LRRC37A2: variants seen among roughly 807,000 people sequenced by gnomAD.
The protein encoded by LRRC37A2 is leucine-rich repeat-containing protein 37A2.
LRRC37A2 carries 9 observed loss-of-function variants against 68.8 expected under a neutral mutation model. That is an observed-to-expected ratio of 0.13 (90% CI 0.08 to 0.23). The LOEUF (loss-of-function observed/expected upper bound fraction) is 0.23, where lower values mean the gene tolerates loss of function less well. Among genes scored for constraint, LRRC37A2 ranks in the 10% least tolerant of loss-of-function variants. The pLI, the probability that LRRC37A2 is intolerant of heterozygous loss-of-function variation, is 1.00. For synonymous variants in LRRC37A2, 63 were observed against 367.6 expected, an observed-to-expected ratio of 0.17 and a Z score of 9.48; for missense variants, 168 against 950.4, an observed-to-expected ratio of 0.18 and a Z score of 10.82.
At chr17:47,033,820 A>C in the LRRC37A2 span, among the ~76,000 whole-genome samples, 4 of 152,236 alleles carry the variant, frequency 2.6e-5, no homozygotes, top group African/African-American at 4.8e-5. Context: ...AAAATATTTC[A>C]GTTTTCCTCA....
chr17:47,024,404 G>A, the LRRC37A2 span, among the ~76,000 whole-genome samples: 1 of 152,126 alleles, frequency 6.6e-6, no homozygotes, highest in Non-Finnish European at 1.5e-5. Context: ...TTCTAAAAGG[G>A]ATTTTGTGAT....
the LRRC37A2 span, chr17:46,756,070 G>C: frequency 2.1e-6 from 1 of 470,476 alleles, no homozygotes; most frequent in Non-Finnish European, 3.8e-6. Flanking sequence ...AGGCTAAAGT[G>C]ATTCCTTCTT....
chr17:46,811,639 G>A, the LRRC37A2 span, among the ~76,000 whole-genome samples: 4 of 152,176 alleles, frequency 2.6e-5, no homozygotes, highest in South Asian at 6.2e-4. Flanking sequence ...GAAGGAGAGC[G>A]TGGAGTTGCC....
the LRRC37A2 span, among the ~76,000 whole-genome samples, chr17:46,832,110 C>A: frequency 2.6e-5 from 4 of 152,190 alleles, no homozygotes. Context: ...AAGGAAGAGA[C>A]CGAGACCCTG....
At chr17:46,661,990 C>T in the LRRC37A2 span, among the ~76,000 whole-genome samples, 2 of 87,464 alleles carry the variant, frequency 2.3e-5, no homozygotes, top group Non-Finnish European at 5.0e-5. Flanking sequence ...GGATTACAGG[C>T]ATGAGCCACC....
At chr17:46,789,949 G>A in the LRRC37A2 span, among the ~76,000 whole-genome samples, 19 of 152,254 alleles carry the variant, frequency 1.2e-4, no homozygotes, top group African/African-American at 3.1e-4. Flanking sequence ...GCTTCTTTGC[G>A]CCTCATCCCC....
At chr17:46,748,588 G>T in the LRRC37A2 span, among the ~76,000 whole-genome samples, 1 of 152,166 alleles carries the variant, frequency 6.6e-6, no homozygotes, top group Non-Finnish European at 1.5e-5. Context: ...GAAAAGGAAG[G>T]CTGGGATACA....
chr17:46,961,193 GGGTAA>G, the LRRC37A2 span, among the ~76,000 whole-genome samples: 1 of 152,008 alleles, frequency 6.6e-6, no homozygotes, highest in African/African-American at 2.4e-5. Flanking sequence ...AAAAATGGAA[GGGTAA>G]CCACTAAAAA....
the LRRC37A2 span, chr17:46,875,196 A>G: frequency 1.2e-6 from 2 of 1,614,100 alleles, no homozygotes; most frequent in Non-Finnish European, 1.7e-6. Flanking sequence ...GGAGCGCTGC[A>G]CCTGTGATGA....
At chr17:46,961,157 C>T in the LRRC37A2 span, among the ~76,000 whole-genome samples, 3 of 152,064 alleles carry the variant, frequency 2.0e-5, no homozygotes, top group African/African-American at 7.2e-5. Flanking sequence ...TGATTAATTT[C>T]AGACTTTTGG....
At chr17:46,832,402 A>AG in the LRRC37A2 span, among the ~76,000 whole-genome samples, 1 of 80,440 alleles carries the variant, frequency 1.2e-5, no homozygotes, top group African/African-American at 4.8e-5. Context: ...GAAAAGAGAG[A>AG]GGGGGGTGGT....
chr17:46,914,090 A>C, the LRRC37A2 span, among the ~76,000 whole-genome samples: 1 of 152,052 alleles, frequency 6.6e-6, no homozygotes, highest in African/African-American at 2.4e-5. Context: ...CTTTTGGGGA[A>C]CTTTGAAAAG....
chr17:46,877,207 G>A, the LRRC37A2 span: 1 of 427,236 alleles, frequency 2.3e-6, no homozygotes, highest in Non-Finnish European at 3.1e-6. Flanking sequence ...GCCCTGCTCA[G>A]GTGCAGTGGG....
the LRRC37A2 span, among the ~76,000 whole-genome samples, chr17:46,388,469 G>A: frequency 2.1e-5 from 1 of 47,370 alleles, no homozygotes; most frequent in African/African-American, 6.6e-5. Context: ...GGCTGAGGTA[G>A]GAGAATTGCT....
the LRRC37A2 span, among the ~76,000 whole-genome samples, chr17:46,782,308 G>A: frequency 1.3e-5 from 2 of 152,190 alleles, no homozygotes; most frequent in African/African-American, 4.8e-5. Context: ...GAGGGAAGGT[G>A]AGGAGAAGGA....
At chr17:46,954,625 C>T in the LRRC37A2 span, among the ~76,000 whole-genome samples, 1 of 152,154 alleles carries the variant, frequency 6.6e-6, no homozygotes, top group Non-Finnish European at 1.5e-5. Context: ...TCAGTATGGC[C>T]AGTTTCATGA....
the LRRC37A2 span, among the ~76,000 whole-genome samples, chr17:46,812,333 C>A: frequency 2.0e-5 from 3 of 152,178 alleles, no homozygotes; most frequent in East Asian, 3.9e-4. Flanking sequence ...CCTCCACCCC[C>A]CTACCCCCGC....
the LRRC37A2 span, among the ~76,000 whole-genome samples, chr17:46,497,596 ATG>A: frequency 2.0e-5 from 3 of 150,214 alleles, no homozygotes; most frequent in Non-Finnish European, 2.9e-5. Flanking sequence ...AATTGTATAT[ATG>A]TGTGTGTGTA....
At chr17:46,791,708 G>C in the LRRC37A2 span, among the ~76,000 whole-genome samples, 1 of 152,212 alleles carries the variant, frequency 6.6e-6, no homozygotes, top group Non-Finnish European at 1.5e-5. Flanking sequence ...AAGTAGGAAG[G>C]CATTTCTTCT....
Sources: allele counts gnomAD v4.1 joint callset (sites outside exome capture counted in the v4.1 genomes callset), GRCh38; gene constraint gnomAD v4.1.1; transcripts MANE v1.5; gene names NCBI Gene and HGNC (gene_info 2026-07-23, HGNC 2026-07-21).